Variants in CABIN1 observed in about 807,000 individuals in gnomAD.
CABIN1 encodes calcineurin-binding protein cabin-1.
CABIN1 carries 133 observed loss-of-function variants against 227.7 expected under a neutral mutation model. The observed-to-expected ratio is 0.58, with a 90% CI of 0.51 to 0.67. The LOEUF (loss-of-function observed/expected upper bound fraction) is 0.67, where lower values mean the gene tolerates loss of function less well. CABIN1 is among the 30% of genes least tolerant of loss of function. The probability of loss-of-function intolerance (pLI) is 0.00; values close to 1 mark genes in which losing one functional copy is unlikely to be tolerated. For missense variants in CABIN1, 2,408 were observed against 2,852.5 expected (o/e 0.84, Z 3.55); for synonymous variants, 1,086 against 1,155.1 (o/e 0.94, Z 1.21).
chr22:24,112,164 T>C (rs1486460358), intron 26 of CABIN1, among the ~76,000 whole-genome samples: 1 of 152,264 alleles, frequency 6.6e-6, no homozygotes, highest in African/African-American at 2.4e-5. Flanking sequence ...TTTCTTTGTG[T>C]GTCTTACAAT....
At chr22:24,073,173 T>C (rs570923799) in intron 18 of CABIN1, among the ~76,000 whole-genome samples, 2 of 152,146 alleles carry the variant, frequency 1.3e-5, no homozygotes, top group South Asian at 2.1e-4. Context: ...GTGTGCTGGA[T>C]TGAAGAAACG....
In CABIN1 at chr22:24,061,933, T is replaced by G. The variant is rs2039223009; in HGVS notation, c.1618-14T>G. 2 of 1,607,646 alleles carry G rather than the reference T, an allele frequency of 1.2e-6. No homozygotes were observed. Among genetic ancestry groups the G allele is most frequent in the Admixed American group, 1.7e-5 (1 of 60,006 alleles). On this transcript the variant is annotated splice_polypyrimidine_tract_variant and intron_variant, in intron 12 of 36. Transcript: ENST00000263119. The stretch of plus-strand genomic sequence containing the variant: ...TGTGATACTGTTCTTGACCTTCCTG[T>G]GTCTGTCCTGCAGGACATGATGCTG...
intron 35 of CABIN1, among the ~76,000 whole-genome samples, chr22:24,176,687 G>A (rs1370896474): frequency 6.6e-6 from 1 of 152,184 alleles, no homozygotes; most frequent in Non-Finnish European, 1.5e-5. Flanking sequence ...AGGCAGAAGG[G>A]TGGACAGGTT....
chr22:24,098,993 G>A (rs2042054036), intron 26 of CABIN1, among the ~76,000 whole-genome samples: 1 of 152,174 alleles, frequency 6.6e-6, no homozygotes, highest in Non-Finnish European at 1.5e-5. Flanking sequence ...CATTCCCCAA[G>A]GCATGGGGAT....
intron 28 of CABIN1, among the ~76,000 whole-genome samples, chr22:24,130,255 G>A (rs1448301855): frequency 2.0e-5 from 3 of 152,176 alleles, no homozygotes; most frequent in African/African-American, 7.2e-5. Context: ...GAGAGGGCTG[G>A]CCATGATGGC....
chr22:24,160,063 G>T (rs1162903972), intron 29 of CABIN1, among the ~76,000 whole-genome samples: 1 of 152,142 alleles, frequency 6.6e-6, no homozygotes, highest in Non-Finnish European at 1.5e-5. Context: ...GGCGAGTCTG[G>T]CCCCTGGGTC....
chr22:24,124,288 C>G (rs922590171), intron 28 of CABIN1, among the ~76,000 whole-genome samples: 3 of 152,208 alleles, frequency 2.0e-5, no homozygotes, highest in African/African-American at 7.2e-5. Context: ...TCCTTCTCAC[C>G]CATATAGTGA....
intron 29 of CABIN1, among the ~76,000 whole-genome samples, chr22:24,138,260 G>A (rs541360247): frequency 4.5e-4 from 69 of 152,294 alleles, no homozygotes; most frequent in Middle Eastern, 3.4e-3. Context: ...GTGACCAAAT[G>A]GGGGGCAGAT....
chr22:24,176,427 G>A, intron 35 of CABIN1, 152 bp downstream of exon 35: 1 of 899,444 alleles, frequency 1.1e-6, no homozygotes, highest in Non-Finnish European at 1.7e-6. Flanking sequence ...AGTGCAGGCT[G>A]GACAGGGGAG....
At chr22:24,168,805 A>G (rs770753046) in intron 33 of CABIN1, among the ~76,000 whole-genome samples, 9 of 152,178 alleles carry the variant, frequency 5.9e-5, no homozygotes, top group Admixed American at 2.0e-4. Context: ...CTCAACTGGG[A>G]AGGTCATTCC....
At chr22:24,147,738 C>T (rs1304810460) in intron 29 of CABIN1, among the ~76,000 whole-genome samples, 1 of 152,128 alleles carries the variant, frequency 6.6e-6, no homozygotes, top group Non-Finnish European at 1.5e-5. Context: ...GCCAGTGTGC[C>T]TGGCCCTAGC....
intron 20 of CABIN1, 75 bp downstream of exon 20, chr22:24,083,464 C>A: frequency 6.5e-7 from 1 of 1,530,850 alleles, no homozygotes; most frequent in Non-Finnish European, 9.0e-7. Flanking sequence ...TCATATTTGT[C>A]AACAGTCATC....
At position 24,083,221 on chromosome 22, in the gene CABIN1, A is replaced by G. The variant is rs2040929137; in HGVS notation, c.2749-7A>G. On this transcript the variant is annotated splice_region_variant and splice_polypyrimidine_tract_variant and intron_variant, in intron 19 of 36. Transcript: ENST00000263119. ...TCACCTCAGGCCATCTCTTCTGCCC[A>G]CCACAGGTGCGAGTACTCCAGAAGG... 1 of 1,612,070 alleles carries G rather than the reference A, an allele frequency of 6.2e-7. No individual in the cohort carries two copies. The highest frequency in any genetic ancestry group is 8.5e-7 in the Non-Finnish European group (1 of 1,179,936).
intron 28 of CABIN1, among the ~76,000 whole-genome samples, chr22:24,128,304 G>T (rs192079169): frequency 6.9e-6 from 1 of 144,514 alleles, no homozygotes; most frequent in Non-Finnish European, 1.5e-5. Flanking sequence ...CTCGGGGCGG[G>T]GGGAGGGTGG....
chr22:24,042,854 G>GTT, intron 5 of CABIN1, 50 bp from the exon 6 acceptor site: 1 of 967,952 alleles, frequency 1.0e-6, no homozygotes, highest in Admixed American at 1.7e-5. Context: ...GTGTGTGTGT[G>GTT]TGTGTGTGTG....
rs529318015 is a variant in CABIN1, at chr22:24,168,265, G to C, written c.5683-182G>C. ...ACCCACGAAGAGCTGGGACGTAGGG[G>C]TCTAGATGCGGACAGCAGTGGGGAC... On this transcript the variant is annotated intron_variant, in intron 32 of 36. Coordinates refer to ENST00000263119, the MANE Select transcript of CABIN1 (RefSeq NM_012295.4). Among the ~76,000 whole-genome samples the C allele has an allele frequency of 6.6e-5, 10 of 152,358 alleles. No individual in the cohort carries two copies. In the East Asian group the frequency reaches 1.9e-3, roughly 29 times the overall value.
intron 26 of CABIN1, among the ~76,000 whole-genome samples, chr22:24,100,698 G>C (rs1360839358): frequency 1.3e-5 from 2 of 152,206 alleles, no homozygotes; most frequent in Non-Finnish European, 2.9e-5. Context: ...GGGGAGGTCA[G>C]ATGGGGAGGT....
Position 24,083,212 on chromosome 22 carries a change from C to G in CABIN1, c.2749-16C>G. The G allele has an allele frequency of 6.2e-7, 1 of 1,611,926 alleles. No homozygotes were observed. The highest frequency in any genetic ancestry group is 8.5e-7 in the Non-Finnish European group (1 of 1,179,906). ...TACAGGCCCTCACCTCAGGCCATCT[C>G]TTCTGCCCACCACAGGTGCGAGTAC... On this transcript the variant is annotated splice_polypyrimidine_tract_variant and intron_variant, in intron 19 of 36. Coordinates refer to ENST00000263119, the MANE Select transcript of CABIN1 (RefSeq NM_012295.4).
chr22:24,170,668 G>A (rs1254531239), intron 33 of CABIN1, among the ~76,000 whole-genome samples: 1 of 151,554 alleles, frequency 6.6e-6, no homozygotes, highest in African/African-American at 2.4e-5. Context: ...ACAGGGGCCC[G>A]TCCTGAACCA....
Sources: allele counts gnomAD v4.1 joint callset (sites outside exome capture counted in the v4.1 genomes callset), GRCh38; gene constraint gnomAD v4.1.1; transcripts MANE v1.5; gene names NCBI Gene and HGNC (gene_info 2026-07-23, HGNC 2026-07-21).